Variants in FAM13A observed in about 807,000 individuals in gnomAD.
The protein encoded by FAM13A is family with sequence similarity 13 member A.
In FAM13A, 76 loss-of-function variants were observed where a neutral mutation model predicts 129.6. That is an observed-to-expected ratio of 0.59 (90% CI 0.49 to 0.71). FAM13A has a LOEUF of 0.71. Among genes scored for constraint, FAM13A ranks in the 30% least tolerant of loss-of-function variants. The pLI is 0.00. For missense variants in FAM13A, 1,108 were observed against 1,249.3 expected (o/e 0.89, Z 1.70); for synonymous variants, 443 against 449.9 (o/e 0.98, Z 0.20).
chr4:89,004,500 G>C (rs550917488), intron 3 of FAM13A, among the ~76,000 whole-genome samples: 1 of 152,228 alleles, frequency 6.6e-6, no homozygotes, highest in African/African-American at 2.4e-5. Flanking sequence ...AATTAATTTG[G>C]GCAAGGATTT....
At chr4:88,816,979 A>G (rs1319501122) in intron 7 of FAM13A, among the ~76,000 whole-genome samples, 1 of 152,206 alleles carries the variant, frequency 6.6e-6, no homozygotes, top group African/African-American at 2.4e-5. Flanking sequence ...AAATAACCCA[A>G]ATGTCCATCA....
chr4:88,817,345 T>C (rs573735192), intron 7 of FAM13A, among the ~76,000 whole-genome samples: 1 of 152,192 alleles, frequency 6.6e-6, no homozygotes, highest in East Asian at 1.9e-4. Flanking sequence ...GGTAGATCAC[T>C]TGAGGTCAGG....
chr4:88,799,256 C>T (rs1277914893), intron 8 of FAM13A, among the ~76,000 whole-genome samples: 1 of 152,122 alleles, frequency 6.6e-6, no homozygotes, highest in Non-Finnish European at 1.5e-5. Flanking sequence ...ACTTAGAATC[C>T]TGACCAATGA....
intron 6 of FAM13A, among the ~76,000 whole-genome samples, chr4:88,889,746 C>T (rs1745041725): frequency 6.6e-6 from 1 of 152,114 alleles, no homozygotes; most frequent in Admixed American, 6.5e-5. Context: ...GGCATGTTTT[C>T]AGATGAAACC....
At chr4:89,044,204 T>C (rs766208873) in intron 1 of FAM13A, among the ~76,000 whole-genome samples, 4 of 151,824 alleles carry the variant, frequency 2.6e-5, no homozygotes, top group African/African-American at 9.7e-5. Context: ...ATATTCAAAA[T>C]ATGTAAAGAA....
rs138873294 is a variant in FAM13A at position 88,750,528 on chromosome 4, G to A, written c.1836C>T (p.Ser612=). ...RLIRQLLDED[S]DPMLSPRFYA... The stretch of plus-strand genomic sequence containing the variant: ...AGAACCGAGGAGAGAGCATGGGGTC[G>A]CTGTCTTCGTCCAGCAGCTGACGGA... Residue 612 remains serine (S), a synonymous_variant, in exon 15 of 24, where the codon AGC becomes AGT. Transcript: ENST00000264344. 4.0e-5 allele frequency: 64 copies of A among 1,614,020 alleles called. No individual in the cohort carries two copies. In the African/African-American group the frequency reaches 5.5e-4, roughly 14 times the overall value.
intron 4 of FAM13A, among the ~76,000 whole-genome samples, chr4:88,976,463 G>A (rs1760912598): frequency 6.6e-6 from 1 of 152,128 alleles, no homozygotes; most frequent in Admixed American, 6.5e-5. Flanking sequence ...GGATGAAACT[G>A]TGAATAGTAT....
intron 7 of FAM13A, among the ~76,000 whole-genome samples, chr4:88,807,926 G>T (rs1363983055): frequency 2.0e-5 from 3 of 152,062 alleles, no homozygotes; most frequent in Non-Finnish European, 1.5e-5. Flanking sequence ...CCTGAATTTT[G>T]ACCAGTTTTT....
chr4:88,805,087 T>A (rs373430234), intron 7 of FAM13A, 35 bp from the exon 8 acceptor site: 1 of 1,101,356 alleles, frequency 9.1e-7, no homozygotes, highest in Non-Finnish European at 1.4e-6. Flanking sequence ...TAATATAATG[T>A]CTGTTAATAT....
chr4:88,823,812 C>T (rs977581611), intron 7 of FAM13A, among the ~76,000 whole-genome samples: 7 of 152,206 alleles, frequency 4.6e-5, no homozygotes, highest in African/African-American at 1.2e-4. Context: ...ACCCAGCGCA[C>T]GTAGCTCCAC....
chr4:88,969,551 C>A (rs1759799182), intron 4 of FAM13A, among the ~76,000 whole-genome samples: 1 of 152,200 alleles, frequency 6.6e-6, no homozygotes, highest in African/African-American at 2.4e-5. Flanking sequence ...AATTTCCTAT[C>A]ATTTTCCAAA....
intron 14 of FAM13A, among the ~76,000 whole-genome samples, chr4:88,756,859 G>A (rs1156672866): frequency 6.6e-6 from 1 of 151,908 alleles, no homozygotes; most frequent in Non-Finnish European, 1.5e-5. Context: ...GTCACTGAAA[G>A]CAGTAATCAA....
chr4:89,042,897 T>A (rs1216227800), intron 1 of FAM13A, among the ~76,000 whole-genome samples: 1 of 152,230 alleles, frequency 6.6e-6, no homozygotes, highest in African/African-American at 2.4e-5. Flanking sequence ...CTCTATGTAC[T>A]TAGTACTGTT....
At position 88,790,588 on chromosome 4, in the gene FAM13A, T is replaced by C. The variant is rs765741179; in HGVS notation, c.1089A>G (p.Gly363=). 3 of 1,548,412 alleles carry C rather than the reference T, an allele frequency of 1.9e-6. No individual in the cohort carries two copies. Among genetic ancestry groups the C allele is most frequent in the Non-Finnish European group, 1.8e-6 (2 of 1,140,436 alleles). ...VPQVSNVSAT[G]ELLERTIRSA... ...AAAACCCAACCCAAATAACTTACTCTCCGGTTGCAGACACATTGCTGACTT... is the reference window on the plus strand; with the variant it reads ...AAAACCCAACCCAAATAACTTACTCCCCGGTTGCAGACACATTGCTGACTT... The change falls in exon 9 of 24, where the codon GGA becomes GGG. Residue 363 remains glycine, a splice_region_variant and synonymous_variant. Transcript: ENST00000264344.
intron 4 of FAM13A, among the ~76,000 whole-genome samples, chr4:88,986,547 A>G (rs1762267115): frequency 6.6e-6 from 1 of 152,252 alleles, no homozygotes; most frequent in Non-Finnish European, 1.5e-5. Flanking sequence ...AGTGAACTCA[A>G]CCATATGCCA....
intron 1 of FAM13A, among the ~76,000 whole-genome samples, chr4:89,047,864 C>G (rs1771069385): frequency 6.6e-6 from 1 of 152,038 alleles, no homozygotes; most frequent in Non-Finnish European, 1.5e-5. Flanking sequence ...CACATTTAGC[C>G]AAAGAAGATA....
At chr4:89,027,315 C>G (rs1768091973) in intron 2 of FAM13A, among the ~76,000 whole-genome samples, 1 of 152,094 alleles carries the variant, frequency 6.6e-6, no homozygotes. Context: ...TCAAACCAGC[C>G]TGGACAACAT....
intron 5 of FAM13A, among the ~76,000 whole-genome samples, chr4:88,928,198 T>C (rs1011894827): frequency 6.6e-6 from 1 of 152,170 alleles, no homozygotes; most frequent in Non-Finnish European, 1.5e-5. Context: ...TCTGAGAAAA[T>C]ACTTGATATC....
chr4:88,748,923 A>G, intron 17 of FAM13A, 29 bp downstream of exon 17: 1 of 1,530,976 alleles, frequency 6.5e-7, no homozygotes, highest in Non-Finnish European at 9.1e-7. Context: ...CTTGTTGTAC[A>G]GAAGCCACAG....
Sources: gnomAD v4.1 joint callset for allele counts (sites outside exome capture counted in the v4.1 genomes callset) on GRCh38, gnomAD v4.1.1 for gene constraint, MANE v1.5 for transcripts, NCBI Gene and HGNC (gene_info 2026-07-23, HGNC 2026-07-21) for gene names.